Variants in B3GAT2 observed in about 807,000 individuals in gnomAD.
B3GAT2 encodes galactosylgalactosylxylosylprotein 3-beta-glucuronosyltransferase 2.
A neutral mutation model predicts 27.8 loss-of-function variants in B3GAT2; 26 were observed. The ratio of observed to expected loss-of-function variants is 0.93; its 90% CI spans 0.68 to 1.30. The LOEUF is 1.30. Among genes scored for constraint, B3GAT2 ranks in the 50% most tolerant of loss-of-function variants. B3GAT2 has a pLI of 0.00. For missense variants in B3GAT2, 458 were observed against 459.0 expected (o/e 1.00, Z 0.02); for synonymous variants, 218 against 195.1 (o/e 1.12, Z -0.98).
chr6:70,910,509 C>CT (rs1404918792), intron 1 of B3GAT2, among the ~76,000 whole-genome samples: 2 of 152,102 alleles, frequency 1.3e-5, no homozygotes, highest in Non-Finnish European at 2.9e-5. Flanking sequence ...TCATCTTATT[C>CT]TTTTTTTATG....
At chr6:70,949,118 G>A (rs1765538218) in intron 1 of B3GAT2, among the ~76,000 whole-genome samples, 1 of 151,946 alleles carries the variant, frequency 6.6e-6, no homozygotes. Context: ...GAAAACCTAG[G>A]CATTACCATT....
chr6:70,913,362 C>A (rs967478665), intron 1 of B3GAT2, among the ~76,000 whole-genome samples: 1 of 152,052 alleles, frequency 6.6e-6, no homozygotes, highest in Non-Finnish European at 1.5e-5. Flanking sequence ...TATATTTTAT[C>A]TTTATTTTAG....
intron 2 of B3GAT2, among the ~76,000 whole-genome samples, chr6:70,868,458 C>T (rs894832497): frequency 6.6e-6 from 1 of 152,204 alleles, no homozygotes; most frequent in East Asian, 1.9e-4. Flanking sequence ...AGCCTCACCT[C>T]CATAGGCTCA....
At chr6:70,943,785 T>C (rs148054009) in intron 1 of B3GAT2, among the ~76,000 whole-genome samples, 133 of 152,182 alleles carry the variant, frequency 8.7e-4, no homozygotes, top group African/African-American at 3.1e-3. Flanking sequence ...GACCAAATAT[T>C]ATCAGGAGAA....
intron 1 of B3GAT2, among the ~76,000 whole-genome samples, chr6:70,950,362 A>G (rs1407110921): frequency 6.6e-6 from 1 of 152,134 alleles, no homozygotes; most frequent in Non-Finnish European, 1.5e-5. Flanking sequence ...AGGTCAAAGG[A>G]GAAAGCTAAG....
chr6:70,947,302 T>G (rs2150051789), intron 1 of B3GAT2, among the ~76,000 whole-genome samples: 1 of 152,124 alleles, frequency 6.6e-6, no homozygotes, highest in East Asian at 1.9e-4. Flanking sequence ...AGCTGGTTAT[T>G]TGAAAGGATC....
intron 1 of B3GAT2, among the ~76,000 whole-genome samples, chr6:70,910,168 CG>C (rs1772667882): frequency 6.6e-6 from 1 of 152,146 alleles, no homozygotes; most frequent in Non-Finnish European, 1.5e-5. Context: ...CCACTGTGCC[CG>C]GCCCCTCTTC....
chr6:70,863,351 C>T (rs1771795978), intron 2 of B3GAT2, among the ~76,000 whole-genome samples: 1 of 152,216 alleles, frequency 6.6e-6, no homozygotes, highest in Admixed American at 6.5e-5. Context: ...TCTCCTGTTC[C>T]AGACCCTGCT....
chr6:70,949,513 C>A (rs905682774), intron 1 of B3GAT2, among the ~76,000 whole-genome samples: 3 of 148,034 alleles, frequency 2.0e-5, no homozygotes, highest in Non-Finnish European at 4.5e-5. Flanking sequence ...GATACCATCT[C>A]ACACCAGTTA....
Position 70,860,239 on chromosome 6 carries a change from A to T in B3GAT2, c.*1424T>A. On this transcript the variant is annotated 3_prime_UTR_variant, in exon 4 of 4. Coordinates refer to ENST00000230053, the MANE Select transcript of B3GAT2 (RefSeq NM_080742.3). ...GGCTGGCATGAGTATCAGTAGTGCA[A>T]CCCCTACTGCAGGTTTTGGCCAGCC... The T allele has an allele frequency of 1.9e-6, 3 of 1,613,466 alleles. No homozygotes were observed. The highest frequency in any genetic ancestry group is 2.5e-6 in the Non-Finnish European group (3 of 1,179,784).
intron 2 of B3GAT2, among the ~76,000 whole-genome samples, chr6:70,884,247 G>A (rs1357519987): frequency 1.3e-5 from 2 of 152,122 alleles, no homozygotes; most frequent in African/African-American, 2.4e-5. Context: ...GCCATGGGGA[G>A]ACCCGCTGAA....
intron 2 of B3GAT2, among the ~76,000 whole-genome samples, chr6:70,875,077 C>CT (rs893013238): frequency 4.0e-5 from 6 of 151,516 alleles, no homozygotes; most frequent in African/African-American, 1.5e-4. Flanking sequence ...AAGAAGTTGA[C>CT]TTTGACAAAT....
At position 70,956,600 on chromosome 6, in the gene B3GAT2, G is replaced by A. The variant is rs1216019745; in HGVS notation, c.-171C>T. 3 of 1,435,946 alleles carry A rather than the reference G, an allele frequency of 2.1e-6. No homozygotes were observed. The highest frequency in any genetic ancestry group is 2.8e-5 in the Admixed American group (1 of 35,298). The allele number at this position is 1,435,946 out of a possible 1,614,324, so 89.0% of individuals were successfully genotyped here. A position where few individuals can be genotyped will look rare whatever the true frequency, so the allele number is the denominator to read the frequency against. On this transcript the variant is annotated 5_prime_UTR_variant, in exon 1 of 4. In the 5' UTR this introduces an upstream ATG that the reference lacks. Coordinates refer to ENST00000230053, the MANE Select transcript of B3GAT2 (RefSeq NM_080742.3). The stretch of plus-strand genomic sequence containing the variant: ...GAGCCGCGGGGCTCACTACCTGGGC[G>A]TGGAGGAGCGGCAGGTTCGCGCAAG...
intron 1 of B3GAT2, among the ~76,000 whole-genome samples, chr6:70,937,060 TA>T (rs1282308057): frequency 1.3e-5 from 2 of 151,792 alleles, no homozygotes; most frequent in Non-Finnish European, 2.9e-5. Flanking sequence ...AAAAAAATGA[TA>T]AAGGGGATAT....
chr6:70,929,723 C>T (rs1773028789), intron 1 of B3GAT2, among the ~76,000 whole-genome samples: 2 of 152,176 alleles, frequency 1.3e-5, no homozygotes, highest in Non-Finnish European at 2.9e-5. Flanking sequence ...ACATTCCATG[C>T]TTATGGATAG....
In B3GAT2 at chr6:70,861,563, T is replaced by TAA; in HGVS notation, c.*98_*99dup. 1 of 1,101,336 alleles carries TAA rather than the reference T, an allele frequency of 9.1e-7. No homozygotes were observed. Among genetic ancestry groups the TAA allele is most frequent in the South Asian group, 1.5e-5 (1 of 68,216 alleles). The allele number at this position is 1,101,336 out of a possible 1,614,324, so 68.2% of individuals were successfully genotyped here. ...GACAAGAAAGGCTGCTGTACTGAAG[T>TAA]AAAACAAACAATACCTGAATGCTCT... On this transcript the variant is annotated 3_prime_UTR_variant, in exon 4 of 4. Transcript: ENST00000230053.
chr6:70,880,289 G>T (rs985084128), intron 2 of B3GAT2, among the ~76,000 whole-genome samples: 2 of 152,148 alleles, frequency 1.3e-5, no homozygotes, highest in Admixed American at 6.5e-5. Context: ...CTTGTCCTAG[G>T]TGCTCTGTCT....
intron 1 of B3GAT2, among the ~76,000 whole-genome samples, chr6:70,924,487 C>CTT (rs1242762417): frequency 1.3e-5 from 2 of 152,206 alleles, no homozygotes; most frequent in Non-Finnish European, 2.9e-5. Context: ...GTAAGTCACA[C>CTT]TTTCCAATTT....
At chr6:70,893,833 G>C (rs1582359738) in intron 2 of B3GAT2, among the ~76,000 whole-genome samples, 1 of 152,060 alleles carries the variant, frequency 6.6e-6, no homozygotes, top group South Asian at 2.1e-4. Flanking sequence ...TCTCACCACC[G>C]AATCCCCAGT....
Sources: gnomAD v4.1 joint callset for allele counts (sites outside exome capture counted in the v4.1 genomes callset) on GRCh38, gnomAD v4.1.1 for gene constraint, MANE v1.5 for transcripts, NCBI Gene and HGNC (gene_info 2026-07-23, HGNC 2026-07-21) for gene names.